The following ARIH1 variants were observed in gnomAD, a reference collection of about 807,000 sequenced individuals.
ARIH1 encodes ariadne RBR E3 ubiquitin protein ligase 1.
Under a neutral mutation model 85.0 loss-of-function variants are expected in ARIH1, and 8 were observed. The ratio of observed to expected loss-of-function variants is 0.09; its 90% CI spans 0.06 to 0.17. ARIH1 has a LOEUF of 0.17. Among genes scored for constraint, ARIH1 ranks in the 10% least tolerant of loss-of-function variants. The pLI is 1.00. For missense variants in ARIH1, 311 were observed against 718.1 expected, an observed-to-expected ratio of 0.43 and a Z score of 6.48; for synonymous variants, 238 against 253.6, an observed-to-expected ratio of 0.94 and a Z score of 0.59.
chr15:72,526,172 T>A (rs1056615700), intron 2 of ARIH1, among the ~76,000 whole-genome samples: 4 of 152,222 alleles, frequency 2.6e-5, no homozygotes, highest in Non-Finnish European at 5.9e-5. Flanking sequence ...ATAAATCTTA[T>A]CCTAGTTAAA....
intron 2 of ARIH1, among the ~76,000 whole-genome samples, chr15:72,525,201 G>C (rs576282673): frequency 1.3e-5 from 2 of 152,238 alleles, no homozygotes; most frequent in South Asian, 4.1e-4. Flanking sequence ...AATTTAGTAG[G>C]ATTTCTCCTA....
intron 7 of ARIH1, among the ~76,000 whole-genome samples, chr15:72,565,823 A>G (rs996029383): frequency 4.7e-4 from 71 of 152,196 alleles, no homozygotes; most frequent in African/African-American, 1.7e-3. Context: ...CTTTTCAGAA[A>G]TAACCATTTA....
chr15:72,551,761 C>T (rs542041593), intron 3 of ARIH1, among the ~76,000 whole-genome samples: 1 of 152,190 alleles, frequency 6.6e-6, no homozygotes, highest in African/African-American at 2.4e-5. Context: ...TGGCCAATTT[C>T]CTACATAAGT....
chr15:72,518,248 C>A, intron 2 of ARIH1, 114 bp downstream of exon 2: 1 of 762,386 alleles, frequency 1.3e-6, no homozygotes, highest in East Asian at 2.8e-5. Context: ...GTGGACAACC[C>A]AGTGTGCAAC....
At chr15:72,525,012 A>C (rs1567346798) in intron 2 of ARIH1, among the ~76,000 whole-genome samples, 1 of 152,070 alleles carries the variant, frequency 6.6e-6, no homozygotes, top group Non-Finnish European at 1.5e-5. Context: ...AGCCTCTCCC[A>C]AGTATCTGGA....
Position 72,571,494 on chromosome 15 carries a change from A to G in ARIH1, c.1158-614A>G, listed in dbSNP as rs1279033868. 4.6e-5 allele frequency among the ~76,000 whole-genome samples: 7 copies of G among 152,170 alleles called. No individual in the cohort carries two copies. The East Asian group carries it at 5.8e-4, about 13-fold the overall frequency. ...GGGGAAGTGCAAGTCTTACTCATCT[A>G]TGCTCTGAGCTGACCTCTCTGGGTA... On this transcript the variant is annotated intron_variant, in intron 10 of 13. Transcript: ENST00000379887.
chr15:72,499,611 T>A (rs1027839459), intron 1 of ARIH1, among the ~76,000 whole-genome samples: 2 of 152,218 alleles, frequency 1.3e-5, no homozygotes. Context: ...ACATTCTAAG[T>A]AGTGTATTAT....
chr15:72,526,078 C>T (rs571995724), intron 2 of ARIH1, among the ~76,000 whole-genome samples: 3 of 152,038 alleles, frequency 2.0e-5, no homozygotes, highest in Non-Finnish European at 4.4e-5. Context: ...TTTGTAACAT[C>T]GTATTTTTTA....
intron 11 of ARIH1, 96 bp downstream of exon 11, chr15:72,572,261 AGT>A (rs1374075569): frequency 1.3e-5 from 11 of 852,104 alleles, no homozygotes; most frequent in African/African-American, 7.2e-5. Flanking sequence ...TTTTTGAGAC[AGT>A]GTCTCGCTTT....
chr15:72,587,257 T>G lies in ARIH1; in HGVS notation c.*3965T>G. The G allele has an allele frequency of 1.9e-6, 1 of 529,184 alleles. No homozygotes were observed. Among genetic ancestry groups the G allele is most frequent in the Non-Finnish European group, 3.9e-6 (1 of 257,438 alleles). 32.8% of individuals were successfully genotyped at this position (529,184 alleles called of 1,614,324 possible). A position where few individuals can be genotyped will look rare whatever the true frequency, so the allele number is the denominator to read the frequency against. ...TACCTCTTTGTATCATATTTTGTTA[T>G]TCTGGTCACAGAATGACCTAGTATT... is the stretch of plus-strand genomic sequence containing the variant. On this transcript the variant is annotated 3_prime_UTR_variant, in exon 14 of 14. Transcript: ENST00000379887.
intron 1 of ARIH1, among the ~76,000 whole-genome samples, chr15:72,486,673 T>G (rs550201307): frequency 2.7e-5 from 4 of 150,494 alleles, no homozygotes; most frequent in Non-Finnish European, 4.4e-5. Context: ...TACTTTTTTT[T>G]TTTTTCATTT....
chr15:72,519,379 AAC>A (rs774576669), intron 2 of ARIH1, among the ~76,000 whole-genome samples: 78 of 151,802 alleles, frequency 5.1e-4, no homozygotes, highest in African/African-American at 1.8e-3. Flanking sequence ...TCTCAAAACA[AAC>A]ACATACTGTA....
chr15:72,487,267 C>A (rs527242646), intron 1 of ARIH1, among the ~76,000 whole-genome samples: 1 of 152,118 alleles, frequency 6.6e-6, no homozygotes, highest in Non-Finnish European at 1.5e-5. Context: ...TAGCTATCAT[C>A]CTAGACACTT....
intron 1 of ARIH1, among the ~76,000 whole-genome samples, chr15:72,498,328 T>C (rs1310162627): frequency 1.3e-5 from 2 of 152,264 alleles, no homozygotes; most frequent in Non-Finnish European, 2.9e-5. Flanking sequence ...TGCTATTTTT[T>C]CCTTTAGCAG....
At chr15:72,545,429 T>TA (rs1420150136) in intron 3 of ARIH1, among the ~76,000 whole-genome samples, 1 of 152,242 alleles carries the variant, frequency 6.6e-6, no homozygotes, top group African/African-American at 2.4e-5. Context: ...TGGAGATTGT[T>TA]AAATATGGTA....
At chr15:72,554,023 T>A (rs2064164204) in intron 3 of ARIH1, among the ~76,000 whole-genome samples, 1 of 152,228 alleles carries the variant, frequency 6.6e-6, no homozygotes, top group Admixed American at 6.5e-5. Context: ...GAAACAAGGT[T>A]CATCTATATT....
In ARIH1 at chr15:72,521,775, C is replaced by G. The variant is rs552242079; in HGVS notation, c.443+3641C>G. Among the ~76,000 whole-genome samples the G allele has an allele frequency of 3.9e-5, 6 of 152,222 alleles. No homozygotes were observed. In the South Asian group the frequency reaches 1.2e-3, roughly 32 times the overall value. On this transcript the variant is annotated intron_variant, in intron 2 of 13. Transcript: ENST00000379887. The stretch of plus-strand genomic sequence containing the variant: ...TGTTGGCCAGGCTGGTCTCAAACTC[C>G]TGACTTCAGGTGATCTTCCCCTCTC...
At chr15:72,526,997 C>T (rs1010499258) in intron 2 of ARIH1, among the ~76,000 whole-genome samples, 9 of 151,972 alleles carry the variant, frequency 5.9e-5, no homozygotes, top group Non-Finnish European at 1.3e-4. Context: ...AGAAATACAG[C>T]AACAACTGTT....
At chr15:72,546,921 T>C (rs2064131508) in intron 3 of ARIH1, among the ~76,000 whole-genome samples, 1 of 77,458 alleles carries the variant, frequency 1.3e-5, no homozygotes, top group Admixed American at 1.6e-4. Flanking sequence ...TCTTTTCTTT[T>C]CTTTTTTTTT....
Sources: allele counts gnomAD v4.1 joint callset (sites outside exome capture counted in the v4.1 genomes callset), GRCh38; gene constraint gnomAD v4.1.1; transcripts MANE v1.5; gene names NCBI Gene and HGNC (gene_info 2026-07-23, HGNC 2026-07-21).